Variants in SLC35F4 observed in about 807,000 individuals in gnomAD.
The protein encoded by SLC35F4 is solute carrier family 35 member F4, also known as chromosome 14 open reading frame 36.
Under a neutral mutation model 44.2 loss-of-function variants are expected in SLC35F4, and 24 were observed. The observed-to-expected ratio is 0.54, with a 90% CI of 0.39 to 0.76. SLC35F4 has a LOEUF of 0.76. Among genes scored for constraint, SLC35F4 ranks in the 30% least tolerant of loss-of-function variants. The pLI, the probability that SLC35F4 is intolerant of heterozygous loss-of-function variation, is 0.00. For synonymous variants in SLC35F4, 238 were observed against 223.6 expected (o/e 1.06, Z -0.57); for missense variants, 562 against 586.1 (o/e 0.96, Z 0.42).
intron 1 of SLC35F4, among the ~76,000 whole-genome samples, chr14:57,903,212 A>G (rs974238702): frequency 6.6e-6 from 1 of 152,168 alleles, no homozygotes; most frequent in African/African-American, 2.4e-5. Context: ...AACTCTCAAC[A>G]CAATAAGGAA....
intron 1 of SLC35F4, among the ~76,000 whole-genome samples, chr14:57,909,752 G>A (rs1226832755): frequency 6.6e-6 from 1 of 151,930 alleles, no homozygotes; most frequent in Non-Finnish European, 1.5e-5. Flanking sequence ...CCAAGTTTTG[G>A]CAATTATGAA....
intron 1 of SLC35F4, among the ~76,000 whole-genome samples, chr14:57,648,089 A>ACAGT (rs1318891410): frequency 6.6e-6 from 1 of 152,198 alleles, no homozygotes; most frequent in Admixed American, 6.6e-5. Flanking sequence ...TTTTACTGTG[A>ACAGT]CAGTAACTTC....
In SLC35F4 at chr14:57,843,769, G is replaced by A. The variant is rs544614945; in HGVS notation, c.103+21954C>T. On this transcript the variant is annotated intron_variant, in intron 1 of 7. Coordinates refer to ENST00000556826, the MANE Select transcript of SLC35F4 (RefSeq NM_001306087.2). ...TACTTTTATTCATCAGATTTTCAAA[G>A]TAATATGATGTTCCTGTAGCATACT... is the stretch of plus-strand genomic sequence containing the variant. 2.6e-5 allele frequency among the ~76,000 whole-genome samples: 4 copies of A among 152,226 alleles called. No homozygotes were observed. The East Asian group carries it at 7.7e-4, about 29-fold the overall frequency.
intron 1 of SLC35F4, among the ~76,000 whole-genome samples, chr14:57,979,988 C>T (rs1881332164): frequency 6.6e-6 from 1 of 152,224 alleles, no homozygotes; most frequent in Admixed American, 6.5e-5. Flanking sequence ...CACATGACTG[C>T]TTTATTTCCT....
intron 1 of SLC35F4, among the ~76,000 whole-genome samples, chr14:57,746,089 G>C (rs1168231668): frequency 6.6e-6 from 1 of 152,074 alleles, no homozygotes; most frequent in Non-Finnish European, 1.5e-5. Flanking sequence ...GTCATGGAGT[G>C]GGGGGCAGGG....
At chr14:57,774,557 G>C (rs4901817) in intron 1 of SLC35F4, among the ~76,000 whole-genome samples, 1 of 152,006 alleles carries the variant, frequency 6.6e-6, no homozygotes, top group Non-Finnish European at 1.5e-5. Flanking sequence ...TGAACCCTGC[G>C]AGGTAGTCTT....
intron 1 of SLC35F4, among the ~76,000 whole-genome samples, chr14:57,695,211 A>G (rs2075346827): frequency 6.6e-6 from 1 of 152,250 alleles, no homozygotes; most frequent in East Asian, 1.9e-4. Flanking sequence ...AGCAAAAGAA[A>G]CTATCATCAG....
At chr14:57,731,684 C>T (rs1234087857) in intron 1 of SLC35F4, among the ~76,000 whole-genome samples, 2 of 152,196 alleles carry the variant, frequency 1.3e-5, no homozygotes, top group East Asian at 1.9e-4. Context: ...TGCAATAAAT[C>T]TCTTTTATTT....
At chr14:57,834,406 A>G (rs1028282908) in intron 1 of SLC35F4, among the ~76,000 whole-genome samples, 60 of 152,254 alleles carry the variant, frequency 3.9e-4, no homozygotes, top group Admixed American at 3.7e-3. Flanking sequence ...AAATTATTAC[A>G]GTGCAAATAG....
In SLC35F4 at chr14:57,729,633, C is replaced by T. The variant is rs540220880; in HGVS notation, c.104-135509G>A. Among the ~76,000 whole-genome samples the T allele has an allele frequency of 5.3e-5, 8 of 152,296 alleles. No homozygotes were observed. The South Asian group carries it at 1.4e-3, about 28-fold the overall frequency. The stretch of plus-strand genomic sequence containing the variant: ...GGGGAAAGACAAAGTCCTCTTTACT[C>T]TTCATTCTCCTTAAGGAGAGCTGCA... On this transcript the variant is annotated intron_variant, in intron 1 of 7. Transcript: ENST00000556826.
At chr14:57,877,674 CTTTTTTTTTTTTTT>C (rs139397949) in intron 1 of SLC35F4, among the ~76,000 whole-genome samples, 2 of 52,440 alleles carry the variant, frequency 3.8e-5, no homozygotes, top group Admixed American at 4.5e-4. Context: ...TATTTTTTGA[CTTTTTTTTTTTTTT>C]TTTTTTTTTT....
chr14:57,848,698 A>G (rs1486615198), intron 1 of SLC35F4, among the ~76,000 whole-genome samples: 2 of 152,346 alleles, frequency 1.3e-5, no homozygotes, highest in African/African-American at 2.4e-5. Context: ...TTTGAAGGGT[A>G]GAAATAAAGT....
chr14:57,862,338 T>C (rs1337650554), intron 1 of SLC35F4, among the ~76,000 whole-genome samples: 1 of 152,190 alleles, frequency 6.6e-6, no homozygotes, highest in Non-Finnish European at 1.5e-5. Context: ...ACATACTAAT[T>C]AGGTGTTTTC....
At chr14:57,975,205 G>C (rs540420624), downstream of SLC35F4, among the ~76,000 whole-genome samples, 3 of 152,216 alleles carry the variant, frequency 2.0e-5, no homozygotes, top group Non-Finnish European at 4.4e-5. Context: ...GAGTCCCAGA[G>C]AGGCTTGCTA....
At chr14:57,720,741 T>A (rs1438975013) in intron 1 of SLC35F4, among the ~76,000 whole-genome samples, 1 of 151,956 alleles carries the variant, frequency 6.6e-6, no homozygotes, top group Non-Finnish European at 1.5e-5. Flanking sequence ...TTAATCTGGA[T>A]GGGTACCATC....
chr14:57,822,859 G>T (rs768573210), intron 1 of SLC35F4, among the ~76,000 whole-genome samples: 2 of 152,058 alleles, frequency 1.3e-5, no homozygotes, highest in Non-Finnish European at 2.9e-5. Context: ...AAAGGCTGGG[G>T]TGCCATGGGT....
At chr14:57,669,500 G>A (rs1432605628) in intron 1 of SLC35F4, among the ~76,000 whole-genome samples, 1 of 152,044 alleles carries the variant, frequency 6.6e-6, no homozygotes, top group Non-Finnish European at 1.5e-5. Context: ...TTTGAGATAT[G>A]TCCCATCAAT....
At position 57,677,462 on chromosome 14, in the gene SLC35F4, G is replaced by C. The variant is rs191108378; in HGVS notation, c.104-83338C>G. ...AAACAGATGGGTAGCTATGCATAAA[G>C]CAAGTATAGTAATGTGTTAATGATA... On this transcript the variant is annotated intron_variant, in intron 1 of 7. Coordinates refer to ENST00000556826, the MANE Select transcript of SLC35F4 (RefSeq NM_001306087.2). Among the ~76,000 whole-genome samples the C allele has an allele frequency of 2.9e-4, 44 of 151,972 alleles. No homozygotes were observed. The East Asian group carries it at 4.4e-3, about 15-fold the overall frequency.
intron 1 of SLC35F4, among the ~76,000 whole-genome samples, chr14:57,791,485 T>C (rs986556707): frequency 6.6e-6 from 1 of 152,146 alleles, no homozygotes; most frequent in Non-Finnish European, 1.5e-5. Flanking sequence ...AAACAACAGA[T>C]GCTGGAGAGG....
Sources: gnomAD v4.1 joint callset for allele counts (sites outside exome capture counted in the v4.1 genomes callset) on GRCh38, gnomAD v4.1.1 for gene constraint, MANE v1.5 for transcripts, NCBI Gene and HGNC (gene_info 2026-07-23, HGNC 2026-07-21) for gene names.